The following NAALADL2 variants were observed in gnomAD, a reference collection of about 807,000 sequenced individuals.
NAALADL2 encodes N-acetylated alpha-linked acidic dipeptidase like 2, also known as inactive N-acetylated-alpha-linked acidic dipeptidase-like protein 2.
NAALADL2 carries 76 observed loss-of-function variants against 87.2 expected under a neutral mutation model. That is an observed-to-expected ratio of 0.87 (90% CI 0.72 to 1.05). The LOEUF (loss-of-function observed/expected upper bound fraction) is 1.05. NAALADL2 is among the 50% of genes least tolerant of loss of function. NAALADL2 has a pLI of 0.00. For synonymous variants in NAALADL2, 354 were observed against 331.0 expected, an observed-to-expected ratio of 1.07 and a Z score of -0.75; for missense variants, 1,089 against 945.8, an observed-to-expected ratio of 1.15 and a Z score of -1.99.
intron 13 of NAALADL2, among the ~76,000 whole-genome samples, chr3:175,784,450 G>T (rs1227137231): frequency 4.9e-5 from 7 of 141,894 alleles, no homozygotes; most frequent in Admixed American, 4.1e-4. Context: ...ATGTGTCGAG[G>T]AATTTATCCA....
intron 11 of NAALADL2, among the ~76,000 whole-genome samples, chr3:175,631,392 T>C (rs1727740630): frequency 6.6e-6 from 1 of 151,518 alleles, no homozygotes; most frequent in Non-Finnish European, 1.5e-5. Flanking sequence ...ACCATACTCA[T>C]ACATGGGATG....
chr3:174,460,465 A>G (rs1713765257), intron 1 of NAALADL2, among the ~76,000 whole-genome samples: 1 of 152,076 alleles, frequency 6.6e-6, no homozygotes, highest in Non-Finnish European at 1.5e-5. Context: ...CATTTTTCTA[A>G]TCACAATAAT....
chr3:174,711,611 A>G (rs542389675), intron 2 of NAALADL2, among the ~76,000 whole-genome samples: 4 of 152,208 alleles, frequency 2.6e-5, no homozygotes, highest in South Asian at 2.1e-4. Context: ...AGTCCTTTCT[A>G]TTCTTCAGTG....
chr3:175,505,759 A>G (rs184576561), intron 9 of NAALADL2, among the ~76,000 whole-genome samples: 79 of 152,344 alleles, frequency 5.2e-4, no homozygotes, highest in Non-Finnish European at 1.0e-3. Flanking sequence ...TCTTCTGAGA[A>G]AGAATAAATG....
At chr3:174,798,847 T>C (rs1418835989) in intron 3 of NAALADL2, among the ~76,000 whole-genome samples, 1 of 152,138 alleles carries the variant, frequency 6.6e-6, no homozygotes, top group Non-Finnish European at 1.5e-5. Context: ...TTTTTTTATA[T>C]GCAAGATTAT....
At chr3:174,501,324 C>T (rs1304759837) in intron 1 of NAALADL2, among the ~76,000 whole-genome samples, 2 of 142,874 alleles carry the variant, frequency 1.4e-5, no homozygotes, top group Admixed American at 6.7e-5. Flanking sequence ...GTGATCCGCC[C>T]GCCTCGGCCT....
chr3:174,871,899 A>T (rs918145820), intron 1 of NAALADL2, among the ~76,000 whole-genome samples: 1 of 151,638 alleles, frequency 6.6e-6, no homozygotes, highest in African/African-American at 2.4e-5. Context: ...ACTCTGTTTC[A>T]AAATAAATAA....
intron 1 of NAALADL2, among the ~76,000 whole-genome samples, chr3:175,067,808 C>T (rs1042179882): frequency 1.3e-5 from 2 of 152,000 alleles, no homozygotes; most frequent in Non-Finnish European, 2.9e-5. Context: ...ATCACAGCAC[C>T]ATTCAAAATA....
At chr3:174,742,904 T>C (rs1733893478) in intron 3 of NAALADL2, among the ~76,000 whole-genome samples, 1 of 151,698 alleles carries the variant, frequency 6.6e-6, no homozygotes, top group Non-Finnish European at 1.5e-5. Context: ...TTTTTTTGTG[T>C]CTCATCATAC....
chr3:174,894,876 G>A (rs1327602309), intron 1 of NAALADL2, among the ~76,000 whole-genome samples: 2 of 151,934 alleles, frequency 1.3e-5, no homozygotes, highest in South Asian at 4.2e-4. Context: ...AATAACAAGA[G>A]GAGTTTCAGA....
At chr3:175,648,499 T>C (rs1279730685) in intron 11 of NAALADL2, among the ~76,000 whole-genome samples, 4 of 151,588 alleles carry the variant, frequency 2.6e-5, no homozygotes, top group Non-Finnish European at 4.4e-5. Flanking sequence ...TTTCTTTTTT[T>C]TTTTTTTTGC....
At chr3:175,437,646 A>G (rs1473170419) in intron 5 of NAALADL2, among the ~76,000 whole-genome samples, 1 of 150,956 alleles carries the variant, frequency 6.6e-6, no homozygotes, top group African/African-American at 2.4e-5. Context: ...TTGCCAAGTC[A>G]ATCCTAAGCC....
At chr3:175,471,150 T>A (rs1233008749) in intron 8 of NAALADL2, among the ~76,000 whole-genome samples, 1 of 152,260 alleles carries the variant, frequency 6.6e-6, no homozygotes, top group Middle Eastern at 3.4e-3. Flanking sequence ...CCTTTTATAA[T>A]CTTTGTGTAC....
chr3:175,123,811 T>C (rs1726508250), intron 2 of NAALADL2, among the ~76,000 whole-genome samples: 2 of 152,050 alleles, frequency 1.3e-5, no homozygotes, highest in Admixed American at 1.3e-4. Flanking sequence ...GCTCTGACAG[T>C]ATATTAGCAT....
rs910781353 is a variant in NAALADL2, at chr3:175,809,969, A to G, written c.*6766A>G. 1 of 152,054 alleles carries G rather than the reference A, an allele frequency of 6.6e-6. No individual in the cohort carries two copies. Among genetic ancestry groups the G allele is most frequent in the Middle Eastern group, 3.2e-3 (1 of 316 alleles). 9.4% of individuals were successfully genotyped at this position (152,054 alleles called of 1,614,324 possible). A position where few individuals can be genotyped will look rare whatever the true frequency, so the allele number is the denominator to read the frequency against. ...ATAAATTTGCTTTGATTAAAAACACATATCTCTCAAGAGGTGTCCCAATTA... is the reference window on the plus strand; with the variant it reads ...ATAAATTTGCTTTGATTAAAAACACGTATCTCTCAAGAGGTGTCCCAATTA... On this transcript the variant is annotated 3_prime_UTR_variant, in exon 14 of 14. Transcript: ENST00000454872.
chr3:175,458,400 G>A (rs1004556159), intron 6 of NAALADL2, among the ~76,000 whole-genome samples: 10 of 150,038 alleles, frequency 6.7e-5, no homozygotes, highest in African/African-American at 2.4e-4. Context: ...CATACACACG[G>A]TTTTGTATAT....
chr3:174,812,969 A>G (rs1351619034), intron 3 of NAALADL2, among the ~76,000 whole-genome samples: 2 of 152,192 alleles, frequency 1.3e-5, no homozygotes, highest in Middle Eastern at 3.2e-3. Context: ...GTTATAAGCT[A>G]ATTTTTTATT....
At chr3:175,343,655 G>GTTTTTTTTTTTTTTTGTT (rs1762805004) in intron 5 of NAALADL2, among the ~76,000 whole-genome samples, 1 of 64,726 alleles carries the variant, frequency 1.5e-5, no homozygotes, top group Non-Finnish European at 3.3e-5. Context: ...TCTTGATCAT[G>GTTTTTTTTTTTTTTTGTT]TTTTTTTTTT....
chr3:175,789,430 A>T (rs1037061697), intron 13 of NAALADL2, among the ~76,000 whole-genome samples: 3 of 152,196 alleles, frequency 2.0e-5, no homozygotes, highest in African/African-American at 7.2e-5. Context: ...AATGTATTTT[A>T]TACAATTGAA....
Sources: gnomAD v4.1 joint callset for allele counts (sites outside exome capture counted in the v4.1 genomes callset) on GRCh38, gnomAD v4.1.1 for gene constraint, MANE v1.5 for transcripts, NCBI Gene and HGNC (gene_info 2026-07-23, HGNC 2026-07-21) for gene names.